Variants in CCNE1 observed in about 807,000 individuals in gnomAD.
CCNE1 encodes cyclin E1, also known as G1/S-specific cyclin-E1.
In CCNE1, 8 loss-of-function variants were observed where a neutral mutation model predicts 54.1. That is an observed-to-expected ratio of 0.15 (90% CI 0.09 to 0.27). The LOEUF (loss-of-function observed/expected upper bound fraction) is 0.27. Among genes scored for constraint, CCNE1 ranks in the 10% least tolerant of loss-of-function variants. The pLI is 1.00. For missense variants in CCNE1, 430 were observed against 514.9 expected (o/e 0.84, Z 1.60); for synonymous variants, 179 against 185.2 (o/e 0.97, Z 0.27).
chr19:29,812,717 G>A lies in CCNE1; in HGVS notation c.52G>A (p.Glu18Lys), dbSNP rs1305959499. The change falls in exon 3 of 12, where the codon GAG (glutamate) becomes AAG (lysine). Residue 18 changes from glutamate (E) to lysine (K), a missense_variant. Physicochemically the swap from Glu to Lys is moderately conservative, Grantham distance 56. Around this residue, in one of 2 missense-constraint regions of CCNE1, gnomAD observed 127 missense variants for 113.8 expected, o/e 1.12. Transcript: ENST00000262643. ...TGCGAAGGAGCGGGACACCATGAAG[G>A]AGGACGGCGGCGCGGAGTTCTCGGC... ...RDAKERDTMK[E>K]DGGAEFSARS... 6 of 1,593,988 alleles carry A rather than the reference G, an allele frequency of 3.8e-6. No individual in the cohort carries two copies. The highest frequency in any genetic ancestry group is 4.5e-5 in the East Asian group (2 of 44,112).
intron 4 of CCNE1, among the ~76,000 whole-genome samples, chr19:29,814,002 A>C (rs1973954227): frequency 6.6e-6 from 1 of 152,208 alleles, no homozygotes; most frequent in African/African-American, 2.4e-5. Context: ...GTTCATCTGG[A>C]AGCGTGAAGG....
rs1287672367 is a variant in CCNE1 at position 29,812,000 on chromosome 19, C to G, written c.-177C>G. The G allele has an allele frequency of 6.8e-6, 1 of 147,240 alleles. No homozygotes were observed. The highest frequency in any genetic ancestry group is 1.5e-5 in the Non-Finnish European group (1 of 65,980). The allele number at this position is 147,240 out of a possible 1,614,324, so 9.1% of individuals were successfully genotyped here. On this transcript the variant is annotated 5_prime_UTR_variant, in exon 1 of 12. Coordinates refer to ENST00000262643, the MANE Select transcript of CCNE1 (RefSeq NM_001238.4). The stretch of plus-strand genomic sequence containing the variant: ...GCTCTGAGCCGGGCGCAGGAGCAGC[C>G]GGCGCGGCCGCCAGCGCGGTGTAGG...
In CCNE1 at chr19:29,817,291, C is replaced by T. The variant is rs199930427; in HGVS notation, c.326+9C>T. 4.2e-4 allele frequency: 682 copies of T among 1,614,160 alleles called. 1 individual carries two copies. Among genetic ancestry groups the T allele is most frequent in the Non-Finnish European group, 5.2e-4 (617 of 1,180,014 alleles). ...CCGCTGCCTGTACTGAGGTCAGTGC[C>T]GACTCTGCCACATGGCTTCCAGGTC... On this transcript the variant is annotated intron_variant, in intron 5 of 11. Coordinates refer to ENST00000262643, the MANE Select transcript of CCNE1 (RefSeq NM_001238.4).
At chr19:29,820,943 C>T (rs1330686797) in intron 7 of CCNE1, 95 bp downstream of exon 7, 5 of 949,652 alleles carry the variant, frequency 5.3e-6, no homozygotes, top group African/African-American at 1.7e-5. Flanking sequence ...CTATAGCACT[C>T]ATCCTAAATT....
At position 29,812,568 on chromosome 19, in the gene CCNE1, C is replaced by G; in HGVS notation, c.13C>G (p.Arg5Gly). Residue 5 changes from arginine to glycine, a missense_variant, in exon 2 of 12, where the codon CGC (arginine) becomes GGC (glycine). Arg to Gly is a moderately radical substitution (Grantham distance 125). Around this residue, in one of 2 missense-constraint regions of CCNE1, gnomAD observed 127 missense variants for 113.8 expected, o/e 1.12. Coordinates refer to ENST00000262643, the MANE Select transcript of CCNE1 (RefSeq NM_001238.4). MPRERRERDAKERDT... is the reference protein window; with the variant it reads MPREGRERDAKERDT... ...GAGCAGCCCCATCATGCCGAGGGAG[C>G]GCAGGGAGCGGTGAGTGCCCGCGCC... The G allele has an allele frequency of 1.3e-6, 2 of 1,513,000 alleles. No individual in the cohort carries two copies. The highest frequency in any genetic ancestry group is 2.5e-5 in the South Asian group (2 of 79,566). The allele number at this position is 1,513,000 out of a possible 1,614,324, so 93.7% of individuals were successfully genotyped here.
At chr19:29,819,165 G>A (rs1281355197) in intron 6 of CCNE1, among the ~76,000 whole-genome samples, 2 of 152,044 alleles carry the variant, frequency 1.3e-5, no homozygotes, top group Non-Finnish European at 2.9e-5. Flanking sequence ...GATTGCTTGA[G>A]CCTGGGAGTT....
chr19:29,812,667 C>A, intron 2 of CCNE1, 22 bp from the exon 3 acceptor site: 1 of 1,572,998 alleles, frequency 6.4e-7, no homozygotes, highest in Non-Finnish European at 8.6e-7. Flanking sequence ...CTCACCCGGC[C>A]CGGTGCCACC....
chr19:29,813,461 CAACAACT>C, intron 4 of CCNE1: 1 of 161,178 alleles, frequency 6.2e-6, no homozygotes, highest in Non-Finnish European at 1.3e-5. Flanking sequence ...TGTTTATAAG[CAACAACT>C]TTCCCCCTAT....
rs1974129232 is a variant in CCNE1 at position 29,820,762 on chromosome 19, C to T, written c.523C>T (p.Arg175Trp). 6.2e-7 allele frequency: 1 copy of T among 1,609,356 alleles called. No individual in the cohort carries two copies. Among genetic ancestry groups the T allele is most frequent in the Non-Finnish European group, 8.5e-7 (1 of 1,176,240 alleles). ...TTACTTGGCACAAGATTTCTTTGAC[C>T]GGTATATGGCGACACAAGAAAATGT... The part of the protein sequence containing the change: ...TFYLAQDFFD[R>W]YMATQENVVK... Residue 175 changes from arginine to tryptophan, a missense_variant, in exon 7 of 12, where the codon CGG (arginine) becomes TGG (tryptophan). By Grantham distance (101) the Arg-to-Trp change is moderately radical (BLOSUM62 -3). Around this residue, in one of 2 missense-constraint regions of CCNE1, gnomAD observed 303 missense variants for 401.1 expected, o/e 0.76. Transcript: ENST00000262643.
chr19:29,821,881 G>C, intron 8 of CCNE1, 64 bp downstream of exon 8: 1 of 1,505,640 alleles, frequency 6.6e-7, no homozygotes, highest in Admixed American at 1.7e-5. Flanking sequence ...TCCACCTGAA[G>C]TGTGAGTGCC....
intron 5 of CCNE1, 22 bp downstream of exon 5, chr19:29,817,304 T>A: frequency 6.2e-7 from 1 of 1,614,180 alleles, no homozygotes; most frequent in South Asian, 1.1e-5. Context: ...CTCTGCCACA[T>A]GGCTTCCAGG....
At position 29,817,143 on chromosome 19, in the gene CCNE1, G is replaced by A; in HGVS notation, c.187G>A (p.Asp63Asn). ...ARDQCGSQPW[D>N]NNAVCADPCS... is the part of the protein sequence containing the mutation. The stretch of plus-strand genomic sequence containing the variant: ...GTGTATTTTTCATTTACAGCCTTGG[G>A]ACAATAATGCAGTCTGTGCAGACCC... Residue 63 changes from aspartate to asparagine, a missense_variant, in exon 5 of 12, where the codon GAC becomes AAC. Asp to Asn is a conservative substitution (Grantham distance 23). This residue lies in a region of CCNE1 where 127 missense variants were observed against 113.8 expected (regional missense o/e 1.12). Coordinates refer to ENST00000262643, the MANE Select transcript of CCNE1 (RefSeq NM_001238.4). 6.2e-7 allele frequency: 1 copy of A among 1,613,880 alleles called. No homozygotes were observed.
chr19:29,815,526 T>TA (rs1317889469), intron 4 of CCNE1, among the ~76,000 whole-genome samples: 1 of 152,128 alleles, frequency 6.6e-6, no homozygotes, highest in Admixed American at 6.6e-5. Flanking sequence ...CCATGTGCTG[T>TA]GTCTTCGAGG....
chr19:29,817,554 C>T lies in CCNE1; in HGVS notation c.462+13C>T. On this transcript the variant is annotated intron_variant, in intron 6 of 11. Coordinates refer to ENST00000262643, the MANE Select transcript of CCNE1 (RefSeq NM_001238.4). ...TTGGTTAATGGAGGTGAGCTTGAGT[C>T]TTCCTGTTCGCTTCATGAAAGCACT... 1 of 1,614,124 alleles carries T rather than the reference C, an allele frequency of 6.2e-7. No individual in the cohort carries two copies. Among genetic ancestry groups the T allele is most frequent in the Non-Finnish European group, 8.5e-7 (1 of 1,179,998 alleles).
intron 4 of CCNE1, among the ~76,000 whole-genome samples, chr19:29,815,888 C>T (rs1273433715): frequency 3.3e-5 from 5 of 151,336 alleles, no homozygotes; most frequent in African/African-American, 1.2e-4. Flanking sequence ...GGTGCGGTGG[C>T]TCAGGCTTGT....
At position 29,812,994 on chromosome 19, in the gene CCNE1, T is replaced by C. The variant is rs764828115; in HGVS notation, c.137T>C (p.Met46Thr). The C allele has an allele frequency of 2.5e-6, 4 of 1,613,942 alleles. No individual in the cohort carries two copies. In the East Asian group the frequency reaches 6.7e-5, roughly 27 times the overall value. ...TVFLQDPDEEMAKIDRTARDQ... is the reference protein window; with the variant it reads ...TVFLQDPDEETAKIDRTARDQ... ...TTTTTGCAGGATCCAGATGAAGAAATGGCCAAAATCGACAGGACGGCGAGG... is the reference window on the plus strand; with the variant it reads ...TTTTTGCAGGATCCAGATGAAGAAACGGCCAAAATCGACAGGACGGCGAGG... Residue 46 changes from methionine to threonine, a missense_variant, in exon 4 of 12, where the codon ATG (methionine) becomes ACG (threonine). This residue lies in a region of CCNE1 where 127 missense variants were observed against 113.8 expected (regional missense o/e 1.12). Coordinates refer to ENST00000262643, the MANE Select transcript of CCNE1 (RefSeq NM_001238.4).
chr19:29,822,339 C>G lies in CCNE1; in HGVS notation c.940C>G (p.Gln314Glu). Reference protein sequence around the residue: ...LYHFSSSELMQKVSGYQWCDI... With the variant: ...LYHFSSSELMEKVSGYQWCDI... ...TCATTTCTCGTCATCTGAATTGATG[C>G]AAAAGGTTTCAGGTAAGTTGGCTTT... Residue 314 changes from glutamine to glutamate, a missense_variant, in exon 10 of 12, where the codon CAA (glutamine) becomes GAA (glutamate). Around this residue, in one of 2 missense-constraint regions of CCNE1, gnomAD observed 303 missense variants for 401.1 expected, o/e 0.76. Coordinates refer to ENST00000262643, the MANE Select transcript of CCNE1 (RefSeq NM_001238.4). 1 of 1,613,944 alleles carries G rather than the reference C, an allele frequency of 6.2e-7. No individual in the cohort carries two copies. The highest frequency in any genetic ancestry group is 8.5e-7 in the Non-Finnish European group (1 of 1,179,842).
intron 6 of CCNE1, among the ~76,000 whole-genome samples, chr19:29,820,359 T>A (rs1974119583): frequency 6.6e-6 from 1 of 152,118 alleles, no homozygotes. Context: ...AAAACCAGCC[T>A]GGCCAACGTG....
Position 29,817,547 on chromosome 19 carries a change from C to T in CCNE1, c.462+6C>T, listed in dbSNP as rs1974053317. ...TTCTGGATTGGTTAATGGAGGTGAG[C>T]TTGAGTCTTCCTGTTCGCTTCATGA... On this transcript the variant is annotated splice_donor_region_variant and intron_variant, in intron 6 of 11. Transcript: ENST00000262643. The T allele has an allele frequency of 6.2e-7, 1 of 1,614,150 alleles. No homozygotes were observed.
Sources: allele counts gnomAD v4.1 joint callset (sites outside exome capture counted in the v4.1 genomes callset), GRCh38; gene constraint gnomAD v4.1.1; regional missense constraint gnomAD v4.1.1; transcripts MANE v1.5; gene names NCBI Gene and HGNC (gene_info 2026-07-23, HGNC 2026-07-21).